The following TCF12 variants were observed in gnomAD, a reference collection of about 807,000 sequenced individuals.
TCF12 encodes the protein DNA-binding protein HTF4.
In TCF12, 45 loss-of-function variants were observed where a neutral mutation model predicts 86.0. The ratio of observed to expected loss-of-function variants is 0.52; its 90% confidence interval spans 0.41 to 0.67. TCF12 has a LOEUF of 0.67. TCF12 is among the 30% of genes least tolerant of loss of function. The pLI, the probability that TCF12 is intolerant of heterozygous loss-of-function variation, is 0.00. For synonymous variants in TCF12, 330 were observed against 299.6 expected (o/e 1.10, Z -1.05); for missense variants, 881 against 859.9 (o/e 1.02, Z -0.31).
chr15:57,121,312 C>G (rs1222707486), intron 5 of TCF12, among the ~76,000 whole-genome samples: 3 of 152,174 alleles, frequency 2.0e-5, no homozygotes, highest in African/African-American at 7.2e-5. Context: ...ATTCGGTTCA[C>G]TCTGAAATTA....
intron 4 of TCF12, among the ~76,000 whole-genome samples, chr15:57,090,846 A>G (rs1356488445): frequency 6.6e-6 from 1 of 152,188 alleles, no homozygotes; most frequent in Non-Finnish European, 1.5e-5. Flanking sequence ...TAATTAATAG[A>G]GTTCAAAGCC....
intron 3 of TCF12, among the ~76,000 whole-genome samples, chr15:56,931,077 AC>A (rs1203443268): frequency 2.7e-5 from 4 of 150,460 alleles, no homozygotes; most frequent in East Asian, 2.0e-4. Flanking sequence ...TCGTTCCTTC[AC>A]CCCCCACCCC....
rs869113042 is a variant in TCF12 at position 57,136,958 on chromosome 15, GTTT to G, written c.326-29435_326-29433del. Among the ~76,000 whole-genome samples the G allele has an allele frequency of 3.2e-3, 265 of 82,952 alleles. 3 individuals are homozygous for G. Among genetic ancestry groups the G allele is most frequent in the African/African-American group, 0.012 (253 of 20,712 alleles). The allele number at this position is 82,952 out of a possible 152,430, so 54.4% of individuals were successfully genotyped here. ...TAGACAATAGCCACTGCTTCTGGCA[GTTT>G]TTTTTTTTGTTTTTTTTTTTTTTTT... On this transcript the variant is annotated intron_variant, in intron 5 of 20. Transcript: ENST00000333725.
At chr15:57,105,735 G>T (rs1225513283) in intron 5 of TCF12, among the ~76,000 whole-genome samples, 3 of 152,078 alleles carry the variant, frequency 2.0e-5, no homozygotes, top group African/African-American at 7.2e-5. Context: ...AATGAGAAAC[G>T]CTGGTTTGGT....
intron 4 of TCF12, among the ~76,000 whole-genome samples, chr15:57,079,557 G>A (rs1193659062): frequency 2.6e-5 from 4 of 152,110 alleles, no homozygotes; most frequent in Non-Finnish European, 5.9e-5. Flanking sequence ...CGTAAGATAC[G>A]AGTCAGTATA....
intron 5 of TCF12, among the ~76,000 whole-genome samples, chr15:57,144,807 G>T (rs1484584160): frequency 2.0e-5 from 3 of 152,052 alleles, no homozygotes; most frequent in Admixed American, 1.3e-4. Flanking sequence ...TTGCCATGTT[G>T]CCTAGGGTGG....
intron 4 of TCF12, among the ~76,000 whole-genome samples, chr15:57,086,063 T>A (rs2048602076): frequency 6.6e-6 from 1 of 151,816 alleles, no homozygotes; most frequent in Non-Finnish European, 1.5e-5. Flanking sequence ...AGCTAAAACC[T>A]CCTCCCCTCC....
chr15:57,123,158 A>G (rs1226204722), intron 5 of TCF12, among the ~76,000 whole-genome samples: 9 of 152,228 alleles, frequency 5.9e-5, no homozygotes, highest in Admixed American at 1.3e-4. Context: ...GCTCTTTGCT[A>G]TGTCAGAAAA....
intron 8 of TCF12, among the ~76,000 whole-genome samples, chr15:57,228,399 C>T (rs1393092359): frequency 6.6e-6 from 1 of 151,850 alleles, no homozygotes. Flanking sequence ...CGTGTTAATA[C>T]AAAAATGATA....
At chr15:57,141,751 GC>G (rs747480337) in intron 5 of TCF12, among the ~76,000 whole-genome samples, 8 of 152,188 alleles carry the variant, frequency 5.3e-5, no homozygotes, top group Non-Finnish European at 1.0e-4. Flanking sequence ...AATTATGTGA[GC>G]CTTATAATTC....
chr15:57,213,271 A>G (rs751678527), intron 8 of TCF12, among the ~76,000 whole-genome samples: 10 of 152,242 alleles, frequency 6.6e-5, no homozygotes, highest in Non-Finnish European at 1.3e-4. Context: ...AGAATTTACT[A>G]ATAAGAAACC....
intron 8 of TCF12, among the ~76,000 whole-genome samples, chr15:57,223,291 A>G (rs766540195): frequency 1.3e-5 from 2 of 152,052 alleles, no homozygotes; most frequent in Non-Finnish European, 2.9e-5. Flanking sequence ...ATTAGTCTCC[A>G]TAGCAAAGGG....
chr15:57,075,804 T>TTCTCTCTTTCTTTCTCTCTCTC (rs2069889936), intron 4 of TCF12, among the ~76,000 whole-genome samples: 1 of 28,590 alleles, frequency 3.5e-5, no homozygotes, highest in African/African-American at 1.4e-4. Flanking sequence ...CTTTCTTTCT[T>TTCTCTCTTTCTTTCTCTCTCTC]TCTCTCTCTC....
intron 6 of TCF12, among the ~76,000 whole-genome samples, chr15:57,168,071 G>C (rs1401429250): frequency 6.6e-6 from 1 of 152,100 alleles, no homozygotes; most frequent in Non-Finnish European, 1.5e-5. Context: ...CAGCTACTTG[G>C]AAAGCCAAAG....
chr15:57,188,879 C>T (rs1402669000), intron 6 of TCF12, among the ~76,000 whole-genome samples: 1 of 152,204 alleles, frequency 6.6e-6, no homozygotes, highest in Non-Finnish European at 1.5e-5. Context: ...CCTTAACCTC[C>T]CAGGCGCCAG....
chr15:57,000,092 A>G (rs2435902), intron 3 of TCF12, among the ~76,000 whole-genome samples: 2,037 of 152,244 alleles, frequency 0.013, 51 homozygotes, highest in African/African-American at 0.047. Context: ...TAATATTTGA[A>G]AGACAGAACA....
chr15:57,288,930 AG>A lies in TCF12; in HGVS notation c.*2786del, dbSNP rs1463262342. ...TCTCACAAAAAAAGTGTCATAATTA[AG>A]TAATGGTATTGTTTACTGTTTAAAA... On this transcript the variant is annotated 3_prime_UTR_variant, in exon 21 of 21. Transcript: ENST00000333725. The A allele has an allele frequency of 1.3e-5, 2 of 152,356 alleles. No individual in the cohort carries two copies. Among genetic ancestry groups the A allele is most frequent in the Non-Finnish European group, 2.9e-5 (2 of 68,036 alleles). 9.4% of individuals were successfully genotyped at this position (152,356 alleles called of 1,614,324 possible).
chr15:57,233,545 A>G (rs1211765136), intron 11 of TCF12, among the ~76,000 whole-genome samples: 3 of 149,594 alleles, frequency 2.0e-5, no homozygotes, highest in Non-Finnish European at 3.0e-5. Context: ...CAGCTCTCTC[A>G]CTCTGTGGCT....
intron 3 of TCF12, among the ~76,000 whole-genome samples, chr15:56,936,867 G>A (rs1243425713): frequency 6.6e-6 from 1 of 152,154 alleles, no homozygotes; most frequent in Non-Finnish European, 1.5e-5. Context: ...TGCTGTTATG[G>A]TGACTATGGC....
Sources: gnomAD v4.1 joint callset for allele counts (sites outside exome capture counted in the v4.1 genomes callset) on GRCh38, gnomAD v4.1.1 for gene constraint, MANE v1.5 for transcripts, NCBI Gene and HGNC (gene_info 2026-07-23, HGNC 2026-07-21) for gene names.